ARHGAP6: variants seen among roughly 807,000 people sequenced by gnomAD.
ARHGAP6 encodes the protein Rho GTPase activating protein 6.
In ARHGAP6, 16 loss-of-function variants were observed where a neutral mutation model predicts 55.7. The observed-to-expected ratio is 0.29, with a 90% CI of 0.19 to 0.44. The LOEUF (loss-of-function observed/expected upper bound fraction) is 0.44, where lower values mean the gene tolerates loss of function less well. ARHGAP6 is among the 20% of genes least tolerant of loss of function. ARHGAP6 has a pLI of 1.00. For missense variants in ARHGAP6, 698 were observed against 808.9 expected (o/e 0.86, Z 1.66); for synonymous variants, 382 against 360.9 (o/e 1.06, Z -0.66).
chrX:11,641,760 T>C (rs1042836289), intron 1 of ARHGAP6, among the ~76,000 whole-genome samples: 1 of 111,779 alleles, frequency 8.9e-6, no homozygotes, highest in African/African-American at 3.2e-5. Flanking sequence ...GGCAATATTC[T>C]CTTTGTTTAA....
At chrX:11,253,895 C>CTCCA (rs1241569125) in intron 2 of ARHGAP6, among the ~76,000 whole-genome samples, 1 of 104,949 alleles carries the variant, frequency 9.5e-6, no homozygotes, top group Non-Finnish European at 2.0e-5. Context: ...CAGAGCGAGA[C>CTCCA]TCCATCTCAA....
chrX:11,525,773 T>G (rs2050983084), intron 1 of ARHGAP6, among the ~76,000 whole-genome samples: 1 of 111,904 alleles, frequency 8.9e-6, no homozygotes, highest in Non-Finnish European at 1.9e-5. Flanking sequence ...ATCAATTCTT[T>G]ATTTATAATG....
Position 11,601,219 on chromosome X carries a change from G to A in ARHGAP6, c.588+63022C>T, listed in dbSNP as rs115805003. ...TAGGAGCTAGTGGGGCTTAGGGGAG[G>A]GGTGTGGGAGAGGGACAGCAGCAGT... On this transcript the variant is annotated intron_variant, in intron 1 of 12. Transcript: ENST00000337414. Among the ~76,000 whole-genome samples, 818 of 111,514 alleles carry A rather than the reference G, an allele frequency of 7.3e-3. 8 individuals are homozygous for A. Among genetic ancestry groups the A allele is most frequent in the African/African-American group, 0.025 (772 of 30,698 alleles).
At chrX:11,590,873 A>AAGAAAAGAAAAGAAAAGAAG (rs1569411008) in intron 1 of ARHGAP6, among the ~76,000 whole-genome samples, 2 of 52,636 alleles carry the variant, frequency 3.8e-5, no homozygotes, top group African/African-American at 7.7e-5. Context: ...AAAGAAGGAA[A>AAGAAAAGAAAAGAAAAGAAG]GAAAGAAAGA....
chrX:11,218,354 T>A (rs1158745530), intron 2 of ARHGAP6, among the ~76,000 whole-genome samples: 1 of 112,047 alleles, frequency 8.9e-6, no homozygotes, highest in Non-Finnish European at 1.9e-5. Context: ...GCATGGAATG[T>A]TTTTCCATTT....
intron 9 of ARHGAP6, among the ~76,000 whole-genome samples, chrX:11,163,676 G>A (rs376981756): frequency 2.7e-5 from 3 of 112,637 alleles, no homozygotes; most frequent in African/African-American, 6.4e-5. Flanking sequence ...AACCTTTGGC[G>A]TGGCTCTGTT....
intron 1 of ARHGAP6, among the ~76,000 whole-genome samples, chrX:11,270,396 C>T (rs1314618351): frequency 9.0e-6 from 1 of 111,154 alleles, no homozygotes; most frequent in African/African-American, 3.3e-5. Context: ...AATTGAGACA[C>T]AGAAATATGC....
chrX:11,174,913 G>A (rs1328692909), intron 8 of ARHGAP6, among the ~76,000 whole-genome samples: 16 of 108,577 alleles, frequency 1.5e-4, no homozygotes, highest in African/African-American at 5.1e-4. Context: ...GGATGGTCTC[G>A]ATCTCCTGAC....
intron 1 of ARHGAP6, among the ~76,000 whole-genome samples, chrX:11,389,117 C>T (rs977937665): frequency 1.8e-5 from 2 of 111,353 alleles, no homozygotes; most frequent in African/African-American, 3.3e-5. Context: ...TGGAATCTAC[C>T]GGGGATCGAC....
intron 1 of ARHGAP6, among the ~76,000 whole-genome samples, chrX:11,641,215 T>G (rs2052471476): frequency 9.0e-6 from 1 of 111,434 alleles, no homozygotes; most frequent in African/African-American, 3.3e-5. Context: ...ACTTTGACAT[T>G]CACCACATCC....
At chrX:11,519,336 G>A (rs1394719269) in intron 1 of ARHGAP6, among the ~76,000 whole-genome samples, 1 of 110,168 alleles carries the variant, frequency 9.1e-6, no homozygotes, top group Non-Finnish European at 1.9e-5. Flanking sequence ...TCTAACTGGT[G>A]TGAGATGATA....
chrX:11,619,576 C>T (rs544896610), intron 1 of ARHGAP6, among the ~76,000 whole-genome samples: 1 of 112,278 alleles, frequency 8.9e-6, no homozygotes, highest in South Asian at 3.7e-4. Context: ...GATTTCTTCA[C>T]TTGGCATACA....
At chrX:11,369,111 T>C (rs2049115830) in intron 1 of ARHGAP6, among the ~76,000 whole-genome samples, 1 of 111,769 alleles carries the variant, frequency 8.9e-6, no homozygotes, top group Non-Finnish European at 1.9e-5. Context: ...AAATTCTACA[T>C]GTGCATTTCA....
intron 1 of ARHGAP6, among the ~76,000 whole-genome samples, chrX:11,370,632 T>C (rs10449065): frequency 0.056 from 6,283 of 111,715 alleles, 169 homozygotes; most frequent in Middle Eastern, 0.12. Context: ...GTGCTATAGG[T>C]TTACCTCCTA....
Position 11,188,932 on chromosome X carries a change from G to A in ARHGAP6, c.873C>T (p.Asp291=). 8.3e-7 allele frequency: 1 copy of A among 1,211,358 alleles called. No individual in the cohort carries two copies. Among genetic ancestry groups the A allele is most frequent in the Non-Finnish European group, 1.1e-6 (1 of 895,375 alleles). Residue 291 remains aspartate (D), a synonymous_variant, in exon 4 of 13, where the codon GAC becomes GAT. Coordinates refer to ENST00000337414, the MANE Select transcript of ARHGAP6 (RefSeq NM_013427.3). The stretch of plus-strand genomic sequence containing the variant: ...AGTCCTGCTTGAGTTTATAGGCCCT[G>A]TCATTCGCAATGACTTGGGATAAGG... The part of the protein sequence containing the change: ...GMPLSQVIAN[D]RAYKLKQDLQ...
At chrX:11,342,001 A>C (rs993693958) in intron 1 of ARHGAP6, among the ~76,000 whole-genome samples, 2 of 89,134 alleles carry the variant, frequency 2.2e-5, no homozygotes, top group Admixed American at 3.0e-4. Context: ...GTGTTGATGG[A>C]TATACCATTT....
chrX:11,628,257 C>T (rs762811810), intron 1 of ARHGAP6, among the ~76,000 whole-genome samples: 1 of 112,039 alleles, frequency 8.9e-6, no homozygotes, highest in Non-Finnish European at 1.9e-5. Flanking sequence ...TATGATTGTG[C>T]TGTCATGGCT....
At chrX:11,468,079 G>A (rs2050313355) in intron 1 of ARHGAP6, among the ~76,000 whole-genome samples, 3 of 111,186 alleles carry the variant, frequency 2.7e-5, no homozygotes, top group Admixed American at 9.6e-5. Flanking sequence ...CAGAATATTA[G>A]CAACCTTTGG....
rs748508732 is a variant in ARHGAP6, at chrX:11,327,874, G to A, written c.589-73167C>T. Among the ~76,000 whole-genome samples the A allele has an allele frequency of 7.2e-4, 81 of 111,775 alleles. 1 individual carries two copies. The highest frequency in any genetic ancestry group is 1.5e-3 in the South Asian group (4 of 2,675). On this transcript the variant is annotated intron_variant, in intron 1 of 12. Coordinates refer to ENST00000337414, the MANE Select transcript of ARHGAP6 (RefSeq NM_013427.3). ...TACAACAGGCTTTGTGACCACAGAA[G>A]TTATCCCAAGTCTTTGATTATTCTA...
Sources: gnomAD v4.1 joint callset for allele counts (sites outside exome capture counted in the v4.1 genomes callset) on GRCh38, gnomAD v4.1.1 for gene constraint, MANE v1.5 for transcripts, NCBI Gene and HGNC (gene_info 2026-07-23, HGNC 2026-07-21) for gene names.